NR5A2: variants seen among roughly 807,000 people sequenced by gnomAD.
NR5A2 encodes the protein CYP7A promoter-binding factor.
Under a neutral mutation model 62.7 loss-of-function variants are expected in NR5A2, and 26 were observed. The observed-to-expected ratio is 0.41, with a 90% CI of 0.30 to 0.58. The LOEUF (loss-of-function observed/expected upper bound fraction) is 0.58. Among genes scored for constraint, NR5A2 ranks in the 20% least tolerant of loss-of-function variants. NR5A2 has a pLI of 0.22. For missense variants in NR5A2, 541 were observed against 669.1 expected (o/e 0.81, Z 2.11); for synonymous variants, 246 against 241.7 (o/e 1.02, Z -0.16).
chr1:200,064,073 T>C (rs1171803016), intron 5 of NR5A2, among the ~76,000 whole-genome samples: 2 of 150,534 alleles, frequency 1.3e-5, no homozygotes, highest in Non-Finnish European at 3.0e-5. Flanking sequence ...TGCTTGAACC[T>C]GGGAGGTGGA....
At chr1:200,044,510 A>G (rs1386330187) in intron 3 of NR5A2, 3 of 152,136 alleles carry the variant, frequency 2.0e-5, no homozygotes, top group Non-Finnish European at 4.4e-5. Flanking sequence ...TGTTACCAAA[A>G]ATATAAATTA....
chr1:200,069,891 T>A (rs1319335948), intron 5 of NR5A2, among the ~76,000 whole-genome samples: 1 of 152,138 alleles, frequency 6.6e-6, no homozygotes, highest in African/African-American at 2.4e-5. Flanking sequence ...TGTCCATGAA[T>A]AGTTATCTCT....
intron 2 of NR5A2, among the ~76,000 whole-genome samples, chr1:200,041,162 AT>A (rs1466861658): frequency 6.6e-6 from 1 of 152,200 alleles, no homozygotes. Context: ...GGCCGGCACG[AT>A]TCTTGGCTCC....
chr1:200,133,182 G>A (rs928913903), intron 7 of NR5A2, among the ~76,000 whole-genome samples: 8 of 152,168 alleles, frequency 5.3e-5, no homozygotes, highest in African/African-American at 9.7e-5. Flanking sequence ...ATTGTGAAGT[G>A]TAAAAGTGAT....
rs975552790 is a variant in NR5A2 at position 200,092,918 on chromosome 1, C to G, written c.1111-18284C>G. ...TTTTTTTTTGAGATGGAGTCTCACT[C>G]TCTCGCCCAGGCTGGAGTGCAGTGG... On this transcript the variant is annotated intron_variant, in intron 5 of 7. Coordinates refer to ENST00000367362, the MANE Select transcript of NR5A2 (RefSeq NM_205860.3). Among the ~76,000 whole-genome samples, 13 of 123,012 alleles carry G rather than the reference C, an allele frequency of 1.1e-4. No individual in the cohort carries two copies. In the South Asian group the frequency reaches 3.7e-3, roughly 35 times the overall value. 80.7% of individuals were successfully genotyped at this position (123,012 alleles called of 152,430 possible). A position where few individuals can be genotyped will look rare whatever the true frequency, so the allele number is the denominator to read the frequency against.
intron 5 of NR5A2, among the ~76,000 whole-genome samples, chr1:200,074,355 G>A (rs1460162929): frequency 6.6e-6 from 1 of 150,946 alleles, no homozygotes; most frequent in East Asian, 1.9e-4. Flanking sequence ...GGCTGAGGTG[G>A]GAGGATTCAA....
chr1:200,078,996 C>T (rs985524553), intron 5 of NR5A2, among the ~76,000 whole-genome samples: 6 of 152,058 alleles, frequency 3.9e-5, no homozygotes, highest in Non-Finnish European at 7.4e-5. Flanking sequence ...ATTTATGTTG[C>T]CTATTCCTGG....
At chr1:200,121,070 T>C in intron 7 of NR5A2, 115 bp downstream of exon 7, 2 of 1,077,134 alleles carry the variant, frequency 1.9e-6, no homozygotes, top group East Asian at 2.4e-5. Context: ...GCCCTTCCTG[T>C]CAAATTATGA....
intron 7 of NR5A2, among the ~76,000 whole-genome samples, chr1:200,141,856 A>C (rs1227613144): frequency 6.6e-6 from 1 of 152,108 alleles, no homozygotes; most frequent in Admixed American, 6.6e-5. Context: ...TTTCTTTTTG[A>C]TAATTTTTAA....
At chr1:200,105,465 T>TTCTGTC (rs1178291508) in intron 5 of NR5A2, among the ~76,000 whole-genome samples, 1 of 152,342 alleles carries the variant, frequency 6.6e-6, no homozygotes, top group East Asian at 1.9e-4. Flanking sequence ...GGATTCACAC[T>TTCTGTC]TCTGTCTCCT....
In NR5A2 at chr1:200,066,588, C is replaced by CTT. The variant is rs756874909; in HGVS notation, c.1110+17786_1110+17787dup. Among the ~76,000 whole-genome samples the CTT allele has an allele frequency of 8.0e-5, 9 of 113,156 alleles. 1 individual carries two copies. Among genetic ancestry groups the CTT allele is most frequent in the Admixed American group, 9.2e-5 (1 of 10,858 alleles). 74.2% of individuals were successfully genotyped at this position (113,156 alleles called of 152,430 possible). Reference sequence around the variant, plus strand: ...CCCTGCCATCTATTTAATTAATTATCTTTTTTTTTTTTTTTTTGAGAGGGA... The same window carrying CTT: ...CCCTGCCATCTATTTAATTAATTATCTTTTTTTTTTTTTTTTTTTGAGAGGGA... On this transcript the variant is annotated intron_variant, in intron 5 of 7. Transcript: ENST00000367362.
chr1:200,120,933 A>G lies in NR5A2; in HGVS notation c.1356A>G (p.Lys452=), dbSNP rs754235719. ...QFDQREFVCL[K]FLVLFSLDVK... is the part of the protein sequence containing the mutation. Reference sequence around the variant, plus strand: ...ATCAACGAGAGTTCGTATGTCTGAAATTCTTGGTGCTCTTTAGTTTAGGTA... The same window carrying G: ...ATCAACGAGAGTTCGTATGTCTGAAGTTCTTGGTGCTCTTTAGTTTAGGTA... Residue 452 remains lysine (K), a synonymous_variant, in exon 7 of 8, where the codon AAA becomes AAG. Coordinates refer to ENST00000367362, the MANE Select transcript of NR5A2 (RefSeq NM_205860.3). 43 of 1,613,846 alleles carry G rather than the reference A, an allele frequency of 2.7e-5. No individual in the cohort carries two copies. Among genetic ancestry groups the G allele is most frequent in the Non-Finnish European group, 3.6e-5 (43 of 1,179,956 alleles).
At chr1:200,166,219 C>T (rs1006056648) in intron 7 of NR5A2, among the ~76,000 whole-genome samples, 1 of 151,992 alleles carries the variant, frequency 6.6e-6, no homozygotes, top group Non-Finnish European at 1.5e-5. Flanking sequence ...TTTTCTAAAC[C>T]ATGTATACAA....
intron 5 of NR5A2, among the ~76,000 whole-genome samples, chr1:200,052,704 C>A (rs189199450): frequency 4.0e-5 from 6 of 151,506 alleles, no homozygotes; most frequent in Admixed American, 6.6e-5. Flanking sequence ...TGCAGTGGTG[C>A]GATCTTGGCT....
chr1:200,097,389 T>C (rs1434896046), intron 5 of NR5A2, among the ~76,000 whole-genome samples: 2 of 152,224 alleles, frequency 1.3e-5, no homozygotes, highest in Admixed American at 6.5e-5. Flanking sequence ...ACTCCCTTCG[T>C]CACTCACCTC....
chr1:200,028,868 T>G (rs76030912), intron 1 of NR5A2, among the ~76,000 whole-genome samples: 1 of 152,200 alleles, frequency 6.6e-6, no homozygotes, highest in Non-Finnish European at 1.5e-5. Context: ...CCTAGTCAGC[T>G]GACTCCACAG....
intron 6 of NR5A2, among the ~76,000 whole-genome samples, chr1:200,115,655 T>A (rs554488215): frequency 6.6e-6 from 1 of 152,276 alleles, no homozygotes; most frequent in Admixed American, 6.5e-5. Context: ...TTCATCCACC[T>A]AATTAATGAC....
chr1:200,090,199 C>T (rs1340612232), intron 5 of NR5A2, among the ~76,000 whole-genome samples: 1 of 152,186 alleles, frequency 6.6e-6, no homozygotes, highest in African/African-American at 2.4e-5. Flanking sequence ...TTGGTAGTTA[C>T]ACCACAAAAT....
chr1:200,162,938 A>G (rs1653710090), intron 7 of NR5A2, among the ~76,000 whole-genome samples: 1 of 152,246 alleles, frequency 6.6e-6, no homozygotes, highest in Non-Finnish European at 1.5e-5. Flanking sequence ...TCTAGTAAAT[A>G]GTAAACAGTC....
Sources: gnomAD v4.1 joint callset for allele counts (sites outside exome capture counted in the v4.1 genomes callset) on GRCh38, gnomAD v4.1.1 for gene constraint, MANE v1.5 for transcripts, NCBI Gene and HGNC (gene_info 2026-07-23, HGNC 2026-07-21) for gene names.